ROBO2: variants seen among roughly 807,000 people sequenced by gnomAD.
The protein encoded by ROBO2 is roundabout guidance receptor 2.
ROBO2 carries 53 observed loss-of-function variants against 160.8 expected under a neutral mutation model. The ratio of observed to expected loss-of-function variants is 0.33; its 90% CI spans 0.26 to 0.41. The LOEUF is 0.41. ROBO2 is among the 10% of genes least tolerant of loss of function. The pLI, the probability that ROBO2 is intolerant of heterozygous loss-of-function variation, is 1.00. For synonymous variants in ROBO2, 664 were observed against 611.7 expected (o/e 1.09, Z -1.26); for missense variants, 1,577 against 1,722.4 (o/e 0.92, Z 1.49).
chr3:76,234,104 A>G (rs1704790043), intron 2 of ROBO2, among the ~76,000 whole-genome samples: 1 of 152,218 alleles, frequency 6.6e-6, no homozygotes, highest in Non-Finnish European at 1.5e-5. Flanking sequence ...TAGTTTGCTT[A>G]GGATAATGGC....
At chr3:76,421,878 G>T (rs1175775863) in intron 2 of ROBO2, among the ~76,000 whole-genome samples, 1 of 152,154 alleles carries the variant, frequency 6.6e-6, no homozygotes, top group African/African-American at 2.4e-5. Flanking sequence ...TTTTACATTT[G>T]GCTGTGTATA....
chr3:76,272,832 T>TATATTTATATATAAAATATATAAA (rs1707572426), intron 2 of ROBO2, among the ~76,000 whole-genome samples: 1 of 38,302 alleles, frequency 2.6e-5, no homozygotes, highest in Non-Finnish European at 5.1e-5. Flanking sequence ...ATATATAAAA[T>TATATTTATATATAAAATATATAAA]ATATATATTA....
intron 2 of ROBO2, among the ~76,000 whole-genome samples, chr3:76,588,641 A>T (rs1560195722): frequency 6.6e-6 from 1 of 152,194 alleles, no homozygotes; most frequent in Non-Finnish European, 1.5e-5. Context: ...AAGATGTCTT[A>T]TGTAGAGGCA....
intron 2 of ROBO2, among the ~76,000 whole-genome samples, chr3:76,797,530 AG>A (rs1252185810): frequency 6.6e-6 from 1 of 151,984 alleles, no homozygotes; most frequent in Non-Finnish European, 1.5e-5. Flanking sequence ...GAACTAGAAA[AG>A]CAAGAACAAA....
At chr3:76,301,728 C>T (rs1039104920) in intron 2 of ROBO2, among the ~76,000 whole-genome samples, 1 of 152,072 alleles carries the variant, frequency 6.6e-6, no homozygotes, top group Non-Finnish European at 1.5e-5. Flanking sequence ...CGTTTTCTCT[C>T]AAATGAACAC....
chr3:76,768,076 A>T (rs2108466130), intron 2 of ROBO2, among the ~76,000 whole-genome samples: 1 of 151,684 alleles, frequency 6.6e-6, no homozygotes, highest in South Asian at 2.1e-4. Flanking sequence ...AGAAACACAA[A>T]AAGTCCTTTA....
At chr3:77,210,558 T>C (rs1580005912) in intron 2 of ROBO2, among the ~76,000 whole-genome samples, 1 of 152,180 alleles carries the variant, frequency 6.6e-6, no homozygotes, top group East Asian at 1.9e-4. Context: ...TATTCCCCTA[T>C]GTTTCTAAAG....
chr3:77,023,789 G>A (rs934914074), intron 2 of ROBO2, among the ~76,000 whole-genome samples: 1 of 152,100 alleles, frequency 6.6e-6, no homozygotes, highest in African/African-American at 2.4e-5. Context: ...CTAAAGTCCA[G>A]GCCTCTCATT....
At chr3:76,476,550 T>C (rs1348008123) in intron 2 of ROBO2, among the ~76,000 whole-genome samples, 1 of 152,176 alleles carries the variant, frequency 6.6e-6, no homozygotes, top group Non-Finnish European at 1.5e-5. Flanking sequence ...TGCTGCTTAT[T>C]TGAAGAAATA....
chr3:77,192,153 T>G (rs544261903), intron 2 of ROBO2, among the ~76,000 whole-genome samples: 1 of 152,304 alleles, frequency 6.6e-6, no homozygotes, highest in African/African-American at 2.4e-5. Flanking sequence ...GTGATTTTAT[T>G]AAAAGACAGT....
At chr3:77,453,504 A>G (rs529196835) in intron 2 of ROBO2, among the ~76,000 whole-genome samples, 1 of 152,114 alleles carries the variant, frequency 6.6e-6, no homozygotes, top group Non-Finnish European at 1.5e-5. Context: ...AAGGGTTAAA[A>G]GGAATTGTAG....
intron 2 of ROBO2, among the ~76,000 whole-genome samples, chr3:76,306,010 C>A (rs973153195): frequency 1.3e-5 from 2 of 152,070 alleles, no homozygotes; most frequent in African/African-American, 4.8e-5. Context: ...CTGGGCTCTA[C>A]CCACAAGACA....
At chr3:76,567,598 A>G (rs1198237872) in intron 2 of ROBO2, among the ~76,000 whole-genome samples, 1 of 130,184 alleles carries the variant, frequency 7.7e-6, no homozygotes, top group African/African-American at 2.8e-5. Flanking sequence ...ATTAGGCTAT[A>G]TTTATGCTAT....
chr3:76,848,399 C>A (rs1048085221), intron 2 of ROBO2, among the ~76,000 whole-genome samples: 1 of 152,182 alleles, frequency 6.6e-6, no homozygotes, highest in African/African-American at 2.4e-5. Flanking sequence ...GGATGATGGA[C>A]TTCAAGCTAC....
chr3:75,982,302 C>T (rs778318864), intron 2 of ROBO2, among the ~76,000 whole-genome samples: 3 of 151,268 alleles, frequency 2.0e-5, no homozygotes, highest in Non-Finnish European at 4.4e-5. Flanking sequence ...AGTGGGATTG[C>T]TAGATCATGT....
chr3:77,219,484 A>ATAT (rs10654898), intron 2 of ROBO2, among the ~76,000 whole-genome samples: 2 of 90,696 alleles, frequency 2.2e-5, no homozygotes, highest in African/African-American at 3.8e-5. Flanking sequence ...ATATATATAT[A>ATAT]ATCTGTATAT....
chr3:77,414,941 T>C (rs2077090868), intron 2 of ROBO2, among the ~76,000 whole-genome samples: 1 of 152,142 alleles, frequency 6.6e-6, no homozygotes, highest in African/African-American at 2.4e-5. Context: ...CAATGAAGTA[T>C]TGAGTGCTCC....
intron 2 of ROBO2, among the ~76,000 whole-genome samples, chr3:76,881,873 C>T (rs139194172): frequency 1.7e-3 from 261 of 152,182 alleles, no homozygotes; most frequent in African/African-American, 6.0e-3. Context: ...TCATGCCTTC[C>T]CTTGTAATTA....
chr3:77,567,728 G>T (rs973679492), intron 12 of ROBO2, among the ~76,000 whole-genome samples: 2 of 151,922 alleles, frequency 1.3e-5, no homozygotes, highest in Non-Finnish European at 2.9e-5. Flanking sequence ...CAAATTTGAG[G>T]AGCTGTTTCC....
Sources: allele counts gnomAD v4.1 joint callset (sites outside exome capture counted in the v4.1 genomes callset), GRCh38; gene constraint gnomAD v4.1.1; transcripts MANE v1.5; gene names NCBI Gene and HGNC (gene_info 2026-07-23, HGNC 2026-07-21).